DSCAML1: variants seen among roughly 807,000 people sequenced by gnomAD.
DSCAML1 encodes the protein DS cell adhesion molecule like 1.
DSCAML1 carries 38 observed loss-of-function variants against 200.5 expected under a neutral mutation model. The observed-to-expected ratio is 0.19, with a 90% confidence interval of 0.15 to 0.25. The LOEUF (loss-of-function observed/expected upper bound fraction) is 0.25, where lower values mean the gene tolerates loss of function less well. Ranked by LOEUF, DSCAML1 falls within the 10% of genes least tolerant of loss-of-function variation. The pLI is 1.00. For synonymous variants in DSCAML1, 1,215 were observed against 1,165.0 expected, an observed-to-expected ratio of 1.04 and a Z score of -0.87; for missense variants, 2,223 against 2,858.8, an observed-to-expected ratio of 0.78 and a Z score of 5.07.
rs1486446339 is a variant in DSCAML1, at chr11:117,797,167, G to A, written c.-88C>T. On this transcript the variant is annotated 5_prime_UTR_variant, in exon 1 of 33. Coordinates refer to ENST00000651296, the MANE Select transcript of DSCAML1 (RefSeq NM_020693.4). ...TCCCCCGCTCAGCGCGCTCCCAGCC[G>A]CCCGCACTCGGCGCCCCGCTCTCTC... The A allele has an allele frequency of 2.5e-6, 4 of 1,580,370 alleles. No homozygotes were observed. The highest frequency in any genetic ancestry group is 1.7e-4 in the Middle Eastern group (1 of 5,924).
At chr11:117,616,759 C>T (rs2051818899) in intron 3 of DSCAML1, among the ~76,000 whole-genome samples, 1 of 152,032 alleles carries the variant, frequency 6.6e-6, no homozygotes, top group South Asian at 2.1e-4. Context: ...TATGAAAAGT[C>T]AATAAGCTGT....
intron 20 of DSCAML1, among the ~76,000 whole-genome samples, chr11:117,448,074 A>T (rs1053418074): frequency 3.3e-5 from 5 of 152,172 alleles, no homozygotes; most frequent in Admixed American, 2.6e-4. Flanking sequence ...GCAAGACATG[A>T]AGAAGATGGA....
At chr11:117,540,569 A>C (rs1263033621) in intron 3 of DSCAML1, among the ~76,000 whole-genome samples, 1 of 152,130 alleles carries the variant, frequency 6.6e-6, no homozygotes, top group Non-Finnish European at 1.5e-5. Flanking sequence ...ATTTTACCAC[A>C]ATTAAAGTTG....
chr11:117,754,843 A>C (rs1290969261), intron 3 of DSCAML1, among the ~76,000 whole-genome samples: 1 of 150,950 alleles, frequency 6.6e-6, no homozygotes, highest in African/African-American at 2.4e-5. Context: ...CTCCCTCCCT[A>C]CCTGCCTACC....
intron 3 of DSCAML1, among the ~76,000 whole-genome samples, chr11:117,672,057 C>T (rs1054174134): frequency 5.4e-5 from 8 of 147,222 alleles, no homozygotes; most frequent in Admixed American, 2.7e-4. Context: ...GCCGAGATCG[C>T]GCCACTGCAC....
chr11:117,430,541 A>G (rs765954876), intron 32 of DSCAML1, among the ~76,000 whole-genome samples, 181 bp downstream of exon 32: 1 of 152,256 alleles, frequency 6.6e-6, no homozygotes, highest in East Asian at 1.9e-4. Flanking sequence ...AGGTTAAGCC[A>G]GGATGTGGGC....
chr11:117,696,885 TTAA>T (rs1252054678), intron 3 of DSCAML1, among the ~76,000 whole-genome samples: 4 of 152,166 alleles, frequency 2.6e-5, no homozygotes. Flanking sequence ...TGCTCGCCCA[TTAA>T]TAGTACAACC....
chr11:117,797,224 C>A, upstream of DSCAML1: 1 of 1,481,762 alleles, frequency 6.7e-7, no homozygotes. Flanking sequence ...GCTGCGGCGG[C>A]GGCTCCTCCC....
chr11:117,727,054 T>C (rs999429532), intron 3 of DSCAML1, among the ~76,000 whole-genome samples: 1 of 152,194 alleles, frequency 6.6e-6, no homozygotes, highest in African/African-American at 2.4e-5. Context: ...CCACACCTTG[T>C]ACATTCATTG....
At chr11:117,738,378 C>T (rs968793326) in intron 3 of DSCAML1, among the ~76,000 whole-genome samples, 3 of 151,920 alleles carry the variant, frequency 2.0e-5, no homozygotes, top group African/African-American at 7.2e-5. Flanking sequence ...GTAATTAGCT[C>T]TGTGTTTCTC....
chr11:117,678,282 C>CAGGGT (rs2053252846), intron 3 of DSCAML1, among the ~76,000 whole-genome samples: 1 of 152,150 alleles, frequency 6.6e-6, no homozygotes. Context: ...CCCCAGGCTA[C>CAGGGT]AGGGTGGGGT....
At chr11:117,542,023 A>C (rs753787517) in intron 3 of DSCAML1, among the ~76,000 whole-genome samples, 1 of 152,152 alleles carries the variant, frequency 6.6e-6, no homozygotes, top group Non-Finnish European at 1.5e-5. Context: ...TAGAAGATGC[A>C]ATGAGGCCGG....
At chr11:117,796,215 C>A (rs1015636107) in intron 1 of DSCAML1, among the ~76,000 whole-genome samples, 2 of 152,222 alleles carry the variant, frequency 1.3e-5, no homozygotes, top group Non-Finnish European at 2.9e-5. Flanking sequence ...TCTGGACATG[C>A]CGGACACCTG....
chr11:117,780,619 C>G lies in DSCAML1; in HGVS notation c.238G>C (p.Gly80Arg). Residue 80 changes from glycine to arginine, a missense_variant, in exon 2 of 33, where the codon GGG (glycine) becomes CGG (arginine). This residue lies in a region of DSCAML1 where 579 missense variants were observed against 721.5 expected (regional missense o/e 0.80). Transcript: ENST00000651296. The surrounding 1 kb of genome is among the most constrained non-coding windows in gnomAD (Gnocchi z 4.8). ...GAGAAGGGGTAGAGCTGCAGCGTCC[C>G]GTTGGCGTGGACGTGCCGGATGTGC... ...VPHIRHVHAN[G>R]TLQLYPFSPS... 6.3e-7 allele frequency: 1 copy of G among 1,591,198 alleles called. No homozygotes were observed. The highest frequency in any genetic ancestry group is 8.6e-7 in the Non-Finnish European group (1 of 1,167,736).
chr11:117,572,136 C>G (rs2050857610), intron 3 of DSCAML1, among the ~76,000 whole-genome samples: 1 of 152,238 alleles, frequency 6.6e-6, no homozygotes, highest in African/African-American at 2.4e-5. Context: ...ACTTTCCTAA[C>G]AAAGTTGCTT....
At chr11:117,811,929 C>T (rs2134090586) in intron 1 of DSCAML1, among the ~76,000 whole-genome samples, 1 of 152,304 alleles carries the variant, frequency 6.6e-6, no homozygotes, top group South Asian at 2.1e-4. Context: ...GTATTGACAG[C>T]CAGACTTCTA....
chr11:117,696,527 T>C (rs1444334279), intron 3 of DSCAML1, among the ~76,000 whole-genome samples: 3 of 152,204 alleles, frequency 2.0e-5, no homozygotes, highest in Admixed American at 6.5e-5. Context: ...TGGTCATTGG[T>C]TAATGTGAAA....
In DSCAML1 at chr11:117,505,823, G is replaced by C. The variant is rs542707318; in HGVS notation, c.1784-91C>G. 2.7e-6 allele frequency: 4 copies of C among 1,470,830 alleles called. No homozygotes were observed. The East Asian group carries it at 9.6e-5, about 35-fold the overall frequency. The allele number at this position is 1,470,830 out of a possible 1,614,324, so 91.1% of individuals were successfully genotyped here. A position where few individuals can be genotyped will look rare whatever the true frequency, so the allele number is the denominator to read the frequency against. On this transcript the variant is annotated intron_variant, in intron 8 of 32. Transcript: ENST00000651296. This position sits in a 1 kb window ranked among gnomAD's most constrained non-coding sequence, Gnocchi z 6.7. ...TCACCTGCCTTACCTGGGGCTCTGG[G>C]TTGGGCCTTGAACAAAGATCCCCTG...
intron 3 of DSCAML1, among the ~76,000 whole-genome samples, chr11:117,585,837 G>C (rs945939343): frequency 6.6e-6 from 1 of 152,140 alleles, no homozygotes; most frequent in Non-Finnish European, 1.5e-5. Flanking sequence ...AGAACTTCTT[G>C]GCCATTTTCC....
Sources: allele counts gnomAD v4.1 joint callset (sites outside exome capture counted in the v4.1 genomes callset), GRCh38; gene constraint gnomAD v4.1.1; regional missense constraint gnomAD v4.1.1; non-coding constraint Gnocchi (gnomAD v3.1); transcripts MANE v1.5; gene names NCBI Gene and HGNC (gene_info 2026-07-23, HGNC 2026-07-21).